SLCO3A1: variants seen among roughly 807,000 people sequenced by gnomAD.
SLCO3A1 encodes the protein solute carrier organic anion transporter family member 3A1.
A neutral mutation model predicts 63.1 loss-of-function variants in SLCO3A1; 27 were observed. The ratio of observed to expected loss-of-function variants is 0.43; its 90% CI spans 0.32 to 0.59. SLCO3A1 has a LOEUF of 0.59. Among genes scored for constraint, SLCO3A1 ranks in the 20% least tolerant of loss-of-function variants. SLCO3A1 has a pLI of 0.09. For synonymous variants in SLCO3A1, 473 were observed against 409.9 expected (o/e 1.15, Z -1.86); for missense variants, 773 against 945.8 (o/e 0.82, Z 2.40).
At chr15:92,056,446 C>G (rs1458356885) in intron 2 of SLCO3A1, among the ~76,000 whole-genome samples, 1 of 152,138 alleles carries the variant, frequency 6.6e-6, no homozygotes, top group Non-Finnish European at 1.5e-5. Context: ...CTTAGAAGTC[C>G]CTGCCACGCT....
chr15:92,044,641 C>T (rs1183676530), intron 2 of SLCO3A1, among the ~76,000 whole-genome samples: 2 of 152,140 alleles, frequency 1.3e-5, no homozygotes, highest in South Asian at 2.1e-4. Flanking sequence ...TTCAGGTCAT[C>T]CTGTGCTCAG....
At chr15:92,074,781 T>A (rs12903242) in intron 2 of SLCO3A1, among the ~76,000 whole-genome samples, 9 of 48,484 alleles carry the variant, frequency 1.9e-4, no homozygotes, top group African/African-American at 6.1e-4. Context: ...AGCAGGGCGG[T>A]GGGGGGTGGC....
chr15:91,920,211 G>A (rs1049872389), intron 2 of SLCO3A1, among the ~76,000 whole-genome samples: 1 of 152,162 alleles, frequency 6.6e-6, no homozygotes, highest in Non-Finnish European at 1.5e-5. Flanking sequence ...CTGGGCTGTG[G>A]GTCTGAAAGT....
chr15:91,947,500 G>A (rs1362533493), intron 2 of SLCO3A1, among the ~76,000 whole-genome samples: 2 of 152,172 alleles, frequency 1.3e-5, no homozygotes, highest in Non-Finnish European at 2.9e-5. Flanking sequence ...GAGTGTTTTT[G>A]TGGGGTGAGG....
At chr15:91,980,299 G>A (rs1477210523) in intron 2 of SLCO3A1, among the ~76,000 whole-genome samples, 1 of 152,058 alleles carries the variant, frequency 6.6e-6, no homozygotes. Flanking sequence ...ATTTTACTGT[G>A]CTGGGTGTAG....
At chr15:91,857,850 A>G (rs1213276660) in intron 1 of SLCO3A1, among the ~76,000 whole-genome samples, 1 of 152,244 alleles carries the variant, frequency 6.6e-6, no homozygotes, top group Non-Finnish European at 1.5e-5. Flanking sequence ...GAATTTCCTC[A>G]GGTTGAAAAC....
Position 92,163,852 on chromosome 15 carries a change from G to C in SLCO3A1, c.*717G>C. 6.1e-6 allele frequency: 6 copies of C among 985,590 alleles called. No homozygotes were observed. The highest frequency in any genetic ancestry group is 7.2e-6 in the Non-Finnish European group (6 of 830,108). 61.1% of individuals were successfully genotyped at this position (985,590 alleles called of 1,614,324 possible). On this transcript the variant is annotated 3_prime_UTR_variant, in exon 10 of 10. Transcript: ENST00000318445. ...TCCATGTTCAAGACTGAGGGCCTGA[G>C]GGGGAGCCAGGTGGGGGGCCAGCAC...
chr15:91,896,007 T>C (rs1245073991), intron 1 of SLCO3A1, among the ~76,000 whole-genome samples: 1 of 152,246 alleles, frequency 6.6e-6, no homozygotes, highest in South Asian at 2.1e-4. Flanking sequence ...GCACTCAACC[T>C]GTTTGTCATT....
intron 2 of SLCO3A1, among the ~76,000 whole-genome samples, chr15:92,030,982 G>T (rs990756942): frequency 5.6e-5 from 6 of 107,002 alleles, no homozygotes; most frequent in Non-Finnish European, 1.2e-4. Context: ...ACCTGTAGCT[G>T]CAGCATCTTG....
rs1037361561 is a variant in SLCO3A1, at chr15:91,942,709, C to T, written c.646+26251C>T. Among the ~76,000 whole-genome samples, 5 of 152,170 alleles carry T rather than the reference C, an allele frequency of 3.3e-5. No homozygotes were observed. The highest frequency in any genetic ancestry group is 1.2e-4 in the African/African-American group (5 of 41,448). The stretch of plus-strand genomic sequence containing the variant: ...GGTAATTCCCAAGAAGCTGGAATTA[C>T]AGGCGTGCACCACCACGCCCGGCTA... On this transcript the variant is annotated intron_variant, in intron 2 of 9. Transcript: ENST00000318445. This position sits in a 1 kb window ranked among gnomAD's most constrained non-coding sequence, Gnocchi z 4.1.
At chr15:92,156,765 T>C (rs2048376091) in intron 9 of SLCO3A1, among the ~76,000 whole-genome samples, 1 of 152,204 alleles carries the variant, frequency 6.6e-6, no homozygotes. Flanking sequence ...CCATGGTGAA[T>C]TCAAGTCTTG....
intron 2 of SLCO3A1, among the ~76,000 whole-genome samples, chr15:92,008,893 G>A (rs2046340302): frequency 6.6e-6 from 1 of 152,154 alleles, no homozygotes; most frequent in Non-Finnish European, 1.5e-5. Context: ...TCAACGCCCT[G>A]TCTACCAAGA....
rs186181025 is a variant in SLCO3A1, at chr15:91,859,080, C to T, written c.180+4992C>T. Among the ~76,000 whole-genome samples, 47 of 152,256 alleles carry T rather than the reference C, an allele frequency of 3.1e-4. No individual in the cohort carries two copies. In the East Asian group the frequency reaches 8.5e-3, roughly 28 times the overall value. On this transcript the variant is annotated intron_variant, in intron 1 of 9. Coordinates refer to ENST00000318445, the MANE Select transcript of SLCO3A1 (RefSeq NM_013272.4). This position sits in a 1 kb window ranked among gnomAD's most constrained non-coding sequence, Gnocchi z 5.1. ...ATATGTACTCTATTCTGTACATTGC[C>T]GCATGCATTGCATATTTACATACGT...
intron 4 of SLCO3A1, 23 bp downstream of exon 4, chr15:92,104,565 C>T (rs757396685): frequency 6.2e-7 from 1 of 1,605,950 alleles, no homozygotes. Flanking sequence ...TCATCTGCCT[C>T]TGCTCAGAAC....
At chr15:92,063,357 C>T (rs547393821) in intron 2 of SLCO3A1, among the ~76,000 whole-genome samples, 1 of 152,320 alleles carries the variant, frequency 6.6e-6, no homozygotes, top group Non-Finnish European at 1.5e-5. Context: ...TGTCAGTTTT[C>T]TCAAAGCCAG....
intron 1 of SLCO3A1, among the ~76,000 whole-genome samples, chr15:91,877,968 C>T (rs1287619596): frequency 1.3e-5 from 2 of 151,898 alleles, no homozygotes; most frequent in East Asian, 3.9e-4. Flanking sequence ...AATCTCAGGG[C>T]TTTCCTTAGG....
At chr15:91,878,059 G>T (rs779264249) in intron 1 of SLCO3A1, among the ~76,000 whole-genome samples, 5 of 151,214 alleles carry the variant, frequency 3.3e-5, no homozygotes, top group Admixed American at 6.6e-5. Flanking sequence ...CCATCATCAG[G>T]TGGCATCTGA....
chr15:91,921,263 A>G (rs1898834617), intron 2 of SLCO3A1, among the ~76,000 whole-genome samples: 2 of 152,152 alleles, frequency 1.3e-5, no homozygotes, highest in Admixed American at 1.3e-4. Flanking sequence ...TCCTCTTACA[A>G]GGTCGCCAGT....
rs1435089578 is a variant in SLCO3A1, at chr15:92,164,633, C to T, written c.*1498C>T. The stretch of plus-strand genomic sequence containing the variant: ...GTAGCATCTCTGATAACGAATAGAC[C>T]CACAAGCTCCTGGAAGCTGTCGTGT... On this transcript the variant is annotated 3_prime_UTR_variant, in exon 10 of 10. Transcript: ENST00000318445. 3 of 985,136 alleles carry T rather than the reference C, an allele frequency of 3.0e-6. No homozygotes were observed. Among genetic ancestry groups the T allele is most frequent in the African/African-American group, 3.5e-5 (2 of 57,162 alleles). 61.0% of individuals were successfully genotyped at this position (985,136 alleles called of 1,614,324 possible).
Sources: allele counts gnomAD v4.1 joint callset (sites outside exome capture counted in the v4.1 genomes callset), GRCh38; gene constraint gnomAD v4.1.1; non-coding constraint Gnocchi (gnomAD v3.1); transcripts MANE v1.5; gene names NCBI Gene and HGNC (gene_info 2026-07-23, HGNC 2026-07-21).